The following ZNF790 variants were observed in gnomAD, a reference collection of about 807,000 sequenced individuals.
ZNF790 encodes the protein zinc finger protein 790.
A neutral mutation model predicts 12.1 loss-of-function variants in ZNF790; 8 were observed. That is an observed-to-expected ratio of 0.66 (90% CI 0.39 to 1.19). The LOEUF is 1.19. Ranked by LOEUF, ZNF790 falls within the 50% of genes most tolerant of loss-of-function variation. ZNF790 has a pLI of 0.01. For synonymous variants in ZNF790, 252 were observed against 244.3 expected (o/e 1.03, Z -0.29); for missense variants, 707 against 752.2 (o/e 0.94, Z 0.70).
intron 4 of ZNF790, among the ~76,000 whole-genome samples, chr19:36,822,015 C>T (rs2071684080): frequency 6.6e-6 from 1 of 152,146 alleles, no homozygotes; most frequent in Admixed American, 6.6e-5. Flanking sequence ...AACTAAGCAG[C>T]CTATTAGGTC....
chr19:36,832,810 T>C (rs2071968018), intron 1 of ZNF790, among the ~76,000 whole-genome samples: 1 of 152,074 alleles, frequency 6.6e-6, no homozygotes, highest in South Asian at 2.1e-4. Flanking sequence ...ATAGACTAGC[T>C]CATTGATTGC....
intron 1 of ZNF790, among the ~76,000 whole-genome samples, chr19:36,846,339 A>C (rs1173496999): frequency 1.3e-5 from 2 of 152,046 alleles, no homozygotes; most frequent in Admixed American, 6.5e-5. Context: ...CGGGCAGATC[A>C]CAAGATCACG....
chr19:36,824,198 C>T (rs966964201), intron 2 of ZNF790, among the ~76,000 whole-genome samples: 1 of 151,776 alleles, frequency 6.6e-6, no homozygotes, highest in Non-Finnish European at 1.5e-5. Flanking sequence ...GGGGTTTCTC[C>T]GTGTTAGTCA....
At chr19:36,827,169 T>C (rs868580773) in intron 1 of ZNF790, among the ~76,000 whole-genome samples, 1,592 of 132,272 alleles carry the variant, frequency 0.012, 62 homozygotes, top group African/African-American at 0.041. Context: ...TATATATATA[T>C]ATATATATAC....
rs763282094 is a variant in ZNF790, at chr19:36,819,093, A to C, written c.1251T>G (p.Thr417=). The C allele has an allele frequency of 6.2e-7, 1 of 1,613,700 alleles. No individual in the cohort carries two copies. The highest frequency in any genetic ancestry group is 2.2e-5 in the East Asian group (1 of 44,864). ...GCTTACATTCATAAGGTTTCCTGCC[A>C]GTATGAATTCGCTGATGTCGAGCAA... ...SHLARHQRIH[T]GRKPYECKQC... is the part of the protein sequence containing the mutation. Residue 417 remains threonine, a synonymous_variant, in exon 5 of 5, where the codon ACT becomes ACG. Transcript: ENST00000356725.
chr19:36,831,650 CAAA>C (rs1434504242), intron 1 of ZNF790, among the ~76,000 whole-genome samples: 1 of 151,934 alleles, frequency 6.6e-6, no homozygotes, highest in African/African-American at 2.4e-5. Flanking sequence ...AACAAAGAAA[CAAA>C]AATCATTTGA....
intron 1 of ZNF790, among the ~76,000 whole-genome samples, chr19:36,837,018 C>G (rs969050676): frequency 2.8e-5 from 3 of 107,580 alleles, no homozygotes; most frequent in Admixed American, 8.6e-5. Context: ...TTCTCACACT[C>G]AAGAAATCAT....
intron 1 of ZNF790, among the ~76,000 whole-genome samples, chr19:36,831,012 G>A (rs563639389): frequency 1.8e-3 from 269 of 152,172 alleles, no homozygotes; most frequent in African/African-American, 6.4e-3. Flanking sequence ...GGTGGCATGT[G>A]CCTGTAGTGC....
chr19:36,822,995 G>A (rs1483532192), intron 4 of ZNF790, among the ~76,000 whole-genome samples: 2 of 152,012 alleles, frequency 1.3e-5, no homozygotes. Context: ...GACTACAGCT[G>A]CACGCCGACA....
rs1375768029 is a variant in ZNF790 at position 36,819,975 on chromosome 19, G to C, written c.369C>G (p.Gly123=). Residue 123 remains glycine (G), a synonymous_variant, in exon 5 of 5, where the codon GGC becomes GGG. Transcript: ENST00000356725. ...DCLCFRGDWE[G]NTQFQTLQDN... is the part of the protein sequence containing the mutation. ...CTTGAAGTGTTTGAAACTGAGTGTT[G>C]CCTTCCCAGTCACCTCTAAAACATA... is the stretch of plus-strand genomic sequence containing the variant. 8.7e-6 allele frequency: 14 copies of C among 1,613,910 alleles called. No homozygotes were observed. The highest frequency in any genetic ancestry group is 1.1e-5 in the Non-Finnish European group (13 of 1,180,006).
Position 36,819,376 on chromosome 19 carries a change from G to C in ZNF790, c.968C>G (p.Ser323Ter), listed in dbSNP as rs1382201399. 1 of 1,613,132 alleles carries C rather than the reference G, an allele frequency of 6.2e-7. No homozygotes were observed. Among genetic ancestry groups the C allele is most frequent in the African/African-American group, 1.3e-5 (1 of 74,862 alleles). Residue 323 changes from serine to a stop codon, truncating the protein, a stop_gained, in exon 5 of 5, where the codon TCA becomes TGA. Transcript: ENST00000356725. LOFTEE classifies it low-confidence loss of function (END_TRUNC). ...AATTCTCTGATGTTTAATAAGATGT[G>C]ATCGCTGACTAAAGGCCTTTCTACA... is the stretch of plus-strand genomic sequence containing the variant. ...NECRKAFSQR[S>*]HLIKHQRIHT...
upstream of ZNF790, among the ~76,000 whole-genome samples, chr19:36,843,077 G>T (rs562462161): frequency 1.3e-5 from 2 of 151,854 alleles, no homozygotes; most frequent in East Asian, 3.9e-4. Flanking sequence ...ACTATAGATT[G>T]TAGGTAATCA....
intron 1 of ZNF790, among the ~76,000 whole-genome samples, chr19:36,832,996 T>C (rs1302959871): frequency 7.0e-6 from 1 of 142,634 alleles, no homozygotes; most frequent in Non-Finnish European, 1.5e-5. Context: ...AAAAAATGAA[T>C]ACAAATGTAA....
chr19:36,839,687 TA>T (rs1466179143), upstream of ZNF790, among the ~76,000 whole-genome samples: 2 of 151,874 alleles, frequency 1.3e-5, no homozygotes. Context: ...TCACTGCACA[TA>T]ACCTGTGTGA....
intron 1 of ZNF790, among the ~76,000 whole-genome samples, chr19:36,847,557 C>T (rs957320873): frequency 6.6e-6 from 1 of 151,364 alleles, no homozygotes; most frequent in Non-Finnish European, 1.5e-5. Context: ...CGAGACAAGC[C>T]TGGACAACAT....
intron 1 of ZNF790, among the ~76,000 whole-genome samples, chr19:36,833,247 AT>A (rs2071977956): frequency 6.6e-6 from 1 of 152,152 alleles, no homozygotes; most frequent in Non-Finnish European, 1.5e-5. Flanking sequence ...GGTTCAAGTA[AT>A]TCTCCTGTCT....
upstream of ZNF790, among the ~76,000 whole-genome samples, chr19:36,843,002 CAA>C (rs59705640): frequency 1.7e-4 from 11 of 65,526 alleles, no homozygotes; most frequent in Non-Finnish European, 1.9e-4. Flanking sequence ...GACTCCATCT[CAA>C]AAAAAAAAAA....
upstream of ZNF790, among the ~76,000 whole-genome samples, chr19:36,839,676 G>A (rs138329431): frequency 1.3e-3 from 195 of 152,316 alleles, 1 homozygote; most frequent in Non-Finnish European, 2.4e-3. Context: ...ACAGGCATGA[G>A]TCACTGCACA....
chr19:36,848,693 T>C (rs913228060), intron 1 of ZNF790, among the ~76,000 whole-genome samples: 2 of 152,138 alleles, frequency 1.3e-5, no homozygotes, highest in Non-Finnish European at 2.9e-5. Flanking sequence ...GAGAGTTTAA[T>C]AGGCAAGAAG....
Sources: allele counts gnomAD v4.1 joint callset (sites outside exome capture counted in the v4.1 genomes callset), GRCh38; gene constraint gnomAD v4.1.1; transcripts MANE v1.5; gene names NCBI Gene and HGNC (gene_info 2026-07-23, HGNC 2026-07-21).